Variants in FEZ1 observed in about 807,000 individuals in gnomAD.
FEZ1 encodes fasciculation and elongation protein zeta 1.
In FEZ1, 20 loss-of-function variants were observed where a neutral mutation model predicts 49.3. The observed-to-expected ratio is 0.41, with a 90% CI of 0.29 to 0.59. FEZ1 has a LOEUF of 0.59. Ranked by LOEUF, FEZ1 falls within the 20% of genes least tolerant of loss-of-function variation. The probability of loss-of-function intolerance (pLI) is 0.36; values close to 1 mark genes in which losing one functional copy is unlikely to be tolerated. For synonymous variants in FEZ1, 170 were observed against 180.9 expected, an observed-to-expected ratio of 0.94 and a Z score of 0.48; for missense variants, 413 against 476.0, an observed-to-expected ratio of 0.87 and a Z score of 1.23.
intron 5 of FEZ1, among the ~76,000 whole-genome samples, chr11:125,459,793 G>A (rs1192803704): frequency 1.3e-5 from 2 of 151,858 alleles, no homozygotes; most frequent in Non-Finnish European, 2.9e-5. Context: ...AATGAGATTA[G>A]GCATAGGAAG....
intron 2 of FEZ1, among the ~76,000 whole-genome samples, chr11:125,484,294 A>G (rs1478532335): frequency 6.6e-6 from 1 of 152,240 alleles, no homozygotes; most frequent in Non-Finnish European, 1.5e-5. Context: ...AAAAAAATTG[A>G]AACATAGTGA....
rs1414376041 is a variant in FEZ1 at position 125,489,188 on chromosome 11, TAGAC to T, written c.311+275_311+278del. On this transcript the variant is annotated intron_variant, in intron 2 of 9. Transcript: ENST00000278919. This position sits in a 1 kb window ranked among gnomAD's most constrained non-coding sequence, Gnocchi z 4.2. ...CCACTGATATAAAGAAAGCTTAAGA[TAGAC>T]AGACCCTGAAATTTACTGTGCTCCT... The T allele has an allele frequency of 1.8e-5, 20 of 1,101,086 alleles. No homozygotes were observed. The South Asian group carries it at 3.6e-4, about 20-fold the overall frequency. 68.2% of individuals were successfully genotyped at this position (1,101,086 alleles called of 1,614,324 possible).
chr11:125,489,329 CA>C lies in FEZ1; in HGVS notation c.311+137del. 1 of 1,440,498 alleles carries C rather than the reference CA, an allele frequency of 6.9e-7. No homozygotes were observed. Among genetic ancestry groups the C allele is most frequent in the Non-Finnish European group, 9.1e-7 (1 of 1,098,454 alleles). The allele number at this position is 1,440,498 out of a possible 1,614,324, so 89.2% of individuals were successfully genotyped here. On this transcript the variant is annotated intron_variant, in intron 2 of 9. Transcript: ENST00000278919. This position sits in a 1 kb window ranked among gnomAD's most constrained non-coding sequence, Gnocchi z 4.2. ...TATATAGAGCTATGACAGCAAGTAC[CA>C]GGGCACTGCTCCGCTGGCAACACGA...
intron 3 of FEZ1, among the ~76,000 whole-genome samples, chr11:125,470,677 G>T (rs1391957365): frequency 1.3e-5 from 2 of 151,714 alleles, no homozygotes; most frequent in Admixed American, 6.6e-5. Flanking sequence ...ATAAATGAAG[G>T]CTAAAGGAAT....
intron 9 of FEZ1, among the ~76,000 whole-genome samples, chr11:125,446,442 T>C (rs753650168): frequency 2.6e-5 from 4 of 152,218 alleles, no homozygotes; most frequent in African/African-American, 2.4e-5. Flanking sequence ...TTGAGAGGCA[T>C]GTGGCAAGTG....
intron 2 of FEZ1, among the ~76,000 whole-genome samples, chr11:125,484,646 C>G (rs1957311320): frequency 8.1e-6 from 1 of 123,056 alleles, no homozygotes; most frequent in Admixed American, 9.4e-5. Flanking sequence ...CCATCCTGGG[C>G]AACAAGAGTG....
At chr11:125,470,200 T>C (rs1175469813) in intron 3 of FEZ1, among the ~76,000 whole-genome samples, 2 of 152,158 alleles carry the variant, frequency 1.3e-5, no homozygotes, top group African/African-American at 4.8e-5. Flanking sequence ...CCTTGCTTCC[T>C]CAAAATGTGT....
At position 125,467,591 on chromosome 11, in the gene FEZ1, C is replaced by T. The variant is rs188477594; in HGVS notation, c.412-4021G>A. On this transcript the variant is annotated intron_variant, in intron 3 of 9. Transcript: ENST00000278919. Reference sequence around the variant, plus strand: ...TGTGACTGGGCATGGTGTCTCATGCCTGTAATTCCAGCAATTTGGGAGGCC... The same window carrying T: ...TGTGACTGGGCATGGTGTCTCATGCTTGTAATTCCAGCAATTTGGGAGGCC... Among the ~76,000 whole-genome samples, 283 of 152,252 alleles carry T rather than the reference C, an allele frequency of 1.9e-3. 1 individual carries two copies. Among genetic ancestry groups the T allele is most frequent in the African/African-American group, 6.7e-3 (277 of 41,544 alleles).
At chr11:125,487,991 A>G (rs1458976082) in intron 2 of FEZ1, among the ~76,000 whole-genome samples, 4 of 152,204 alleles carry the variant, frequency 2.6e-5, no homozygotes, top group Admixed American at 1.3e-4. Flanking sequence ...AAATCCACAA[A>G]AAGGGAAACA....
chr11:125,482,687 G>A (rs1036023801), intron 2 of FEZ1, among the ~76,000 whole-genome samples: 3 of 152,052 alleles, frequency 2.0e-5, no homozygotes, highest in Admixed American at 6.6e-5. Context: ...TAATGAGGCC[G>A]GGCGCGATGG....
At chr11:125,466,735 C>T (rs770443878) in intron 3 of FEZ1, among the ~76,000 whole-genome samples, 21 of 152,126 alleles carry the variant, frequency 1.4e-4, no homozygotes, top group Non-Finnish European at 2.9e-4. Context: ...AGGCCTATAA[C>T]ATTGCTAAAT....
At chr11:125,454,287 C>A in intron 6 of FEZ1, 77 bp from the exon 7 acceptor site, 1 of 1,079,768 alleles carries the variant, frequency 9.3e-7, no homozygotes, top group South Asian at 1.4e-5. Context: ...TCTCAGCTAC[C>A]AGGCTGTCCC....
chr11:125,458,664 A>T (rs747061647), intron 5 of FEZ1, among the ~76,000 whole-genome samples: 7 of 152,262 alleles, frequency 4.6e-5, no homozygotes, highest in Admixed American at 6.5e-5. Flanking sequence ...AATCTTTAAA[A>T]TAAACATATG....
At chr11:125,453,009 G>A (rs1484063965) in intron 7 of FEZ1, 1 of 151,272 alleles carries the variant, frequency 6.6e-6, no homozygotes, top group Non-Finnish European at 1.5e-5. Context: ...CCAAGCTGGA[G>A]TGCAGTGGCT....
intron 3 of FEZ1, among the ~76,000 whole-genome samples, chr11:125,479,932 G>A (rs1021985753): frequency 6.6e-6 from 1 of 152,122 alleles, no homozygotes; most frequent in East Asian, 1.9e-4. Context: ...CTTCTGAAAG[G>A]TCACCCCCTT....
chr11:125,457,435 TATATATATATATATATGTATATATACAC>T (rs1404133437), intron 5 of FEZ1, among the ~76,000 whole-genome samples: 5 of 71,640 alleles, frequency 7.0e-5, no homozygotes, highest in South Asian at 6.8e-4. Context: ...AAAAAATATA[TATATATATATATATATGTATATATACAC>T]ATATATATGT....
intron 9 of FEZ1, among the ~76,000 whole-genome samples, chr11:125,446,654 GTTGTTGTTGTT>G (rs763262077): frequency 1.3e-5 from 2 of 151,982 alleles, no homozygotes; most frequent in African/African-American, 2.4e-5. Context: ...TGTTGTTGTT[GTTGTTGTTGTT>G]TTGTTTTGTG....
chr11:125,478,214 G>A (rs541872873), intron 3 of FEZ1, among the ~76,000 whole-genome samples: 49 of 152,286 alleles, frequency 3.2e-4, no homozygotes, highest in African/African-American at 9.9e-4. Flanking sequence ...AGGCCAAGGC[G>A]GGTGGATCAC....
At chr11:125,467,448 T>C (rs1957141475) in intron 3 of FEZ1, among the ~76,000 whole-genome samples, 1 of 152,202 alleles carries the variant, frequency 6.6e-6, no homozygotes, top group Admixed American at 6.5e-5. Context: ...CCAACACATA[T>C]TTGTTGAAAG....
Sources: gnomAD v4.1 joint callset for allele counts (sites outside exome capture counted in the v4.1 genomes callset) on GRCh38, gnomAD v4.1.1 for gene constraint, Gnocchi (gnomAD v3.1) non-coding constraint, MANE v1.5 for transcripts, NCBI Gene and HGNC (gene_info 2026-07-23, HGNC 2026-07-21) for gene names.